The following STXBP5 variants were observed in gnomAD, a reference collection of about 807,000 sequenced individuals.
STXBP5 encodes syntaxin binding protein 5, also known as syntaxin-binding protein 5.
In STXBP5, 50 loss-of-function variants were observed where a neutral mutation model predicts 152.4. That is an observed-to-expected ratio of 0.33 (90% confidence interval 0.26 to 0.42). The LOEUF (loss-of-function observed/expected upper bound fraction) is 0.42. Among genes scored for constraint, STXBP5 ranks in the 10% least tolerant of loss-of-function variants. The pLI is 1.00. For synonymous variants in STXBP5, 492 were observed against 494.7 expected, an observed-to-expected ratio of 0.99 and a Z score of 0.07; for missense variants, 1,167 against 1,388.6, an observed-to-expected ratio of 0.84 and a Z score of 2.54.
Position 147,204,772 on chromosome 6 carries a change from GGAAGA to G in STXBP5, c.150+94_150+98del, listed in dbSNP as rs944518513. ...CTCGGGCTTTACATGGGAATGCAAG[GGAAGA>G]GAACGCCAATAATAATAATAATAAC... On this transcript the variant is annotated intron_variant, in intron 1 of 27. Transcript: ENST00000321680. The surrounding 1 kb of genome is among the most constrained non-coding windows in gnomAD (Gnocchi z 4.3). 1 of 1,275,820 alleles carries G rather than the reference GGAAGA, an allele frequency of 7.8e-7. No homozygotes were observed. The highest frequency in any genetic ancestry group is 1.6e-5 in the African/African-American group (1 of 64,320). The allele number at this position is 1,275,820 out of a possible 1,614,324, so 79.0% of individuals were successfully genotyped here.
At position 147,387,227 on chromosome 6, in the gene STXBP5, G is replaced by C. The variant is rs1344491392; in HGVS notation, c.*2472G>C. On this transcript the variant is annotated 3_prime_UTR_variant, in exon 28 of 28. Transcript: ENST00000321680. ...TAATAACTAACCCAGGGAATTTACTGTAATTTGAGAGGTAACATCTCTATT... is the reference window on the plus strand; with the variant it reads ...TAATAACTAACCCAGGGAATTTACTCTAATTTGAGAGGTAACATCTCTATT... 1 of 151,454 alleles carries C rather than the reference G, an allele frequency of 6.6e-6. No individual in the cohort carries two copies. Among genetic ancestry groups the C allele is most frequent in the Non-Finnish European group, 1.5e-5 (1 of 67,664 alleles). 9.4% of individuals were successfully genotyped at this position (151,454 alleles called of 1,614,324 possible).
chr6:147,362,189 A>G lies in STXBP5; in HGVS notation c.2546-1146A>G, dbSNP rs778399172. ...GCTGCAACCTTACTATTGATAAAAC[A>G]TAAATGCAGAGAGGAAAGGAAAGAA... On this transcript the variant is annotated intron_variant, in intron 23 of 27. Coordinates refer to ENST00000321680, the MANE Select transcript of STXBP5 (RefSeq NM_001127715.4). Among the ~76,000 whole-genome samples the G allele has an allele frequency of 7.2e-5, 11 of 152,322 alleles. No individual in the cohort carries two copies. The East Asian group carries it at 1.5e-3, about 21-fold the overall frequency.
intron 21 of STXBP5, among the ~76,000 whole-genome samples, chr6:147,346,600 C>A (rs1784343271): frequency 6.6e-6 from 1 of 151,996 alleles, no homozygotes; most frequent in Non-Finnish European, 1.5e-5. Flanking sequence ...ATTAGCCAGG[C>A]ATGGTGGCGG....
intron 2 of STXBP5, among the ~76,000 whole-genome samples, chr6:147,214,393 T>C (rs1695673667): frequency 6.6e-6 from 1 of 152,194 alleles, no homozygotes; most frequent in Non-Finnish European, 1.5e-5. Flanking sequence ...CTTTTTTCTT[T>C]TGGCCATGAG....
chr6:147,304,471 G>A (rs1379414376), intron 9 of STXBP5, among the ~76,000 whole-genome samples: 1 of 152,184 alleles, frequency 6.6e-6, no homozygotes, highest in Non-Finnish European at 1.5e-5. Context: ...AAAGCCTTGT[G>A]GAGAACCTCT....
chr6:147,206,516 G>A (rs1776570899), intron 2 of STXBP5, among the ~76,000 whole-genome samples: 1 of 151,932 alleles, frequency 6.6e-6, no homozygotes, highest in Non-Finnish European at 1.5e-5. Context: ...GTTGTTTTTG[G>A]CATGTCCGTG....
intron 2 of STXBP5, among the ~76,000 whole-genome samples, chr6:147,222,617 T>C (rs1777515655): frequency 6.6e-6 from 1 of 152,230 alleles, no homozygotes; most frequent in Non-Finnish European, 1.5e-5. Context: ...AGTTGGTCCC[T>C]GATAAAACCC....
chr6:147,376,038 G>C (rs571584077), intron 26 of STXBP5, among the ~76,000 whole-genome samples: 1 of 152,258 alleles, frequency 6.6e-6, no homozygotes, highest in South Asian at 2.1e-4. Flanking sequence ...AATAATCTTG[G>C]ATGGGATGTC....
At chr6:147,347,449 A>G (rs933267999) in intron 21 of STXBP5, among the ~76,000 whole-genome samples, 1 of 152,220 alleles carries the variant, frequency 6.6e-6, no homozygotes, top group African/African-American at 2.4e-5. Context: ...AGAGATGGAA[A>G]GCCATGGTAG....
intron 10 of STXBP5, 43 bp from the exon 11 acceptor site, chr6:147,311,412 C>A (rs1057502912): frequency 1.6e-5 from 24 of 1,532,574 alleles, no homozygotes; most frequent in Non-Finnish European, 2.2e-5. Context: ...TTGCTGTCCA[C>A]TTGCATTTTT....
chr6:147,242,134 T>C (rs893978739), intron 4 of STXBP5, among the ~76,000 whole-genome samples: 1 of 150,440 alleles, frequency 6.6e-6, no homozygotes, highest in Non-Finnish European at 1.5e-5. Context: ...TGATCCTGTG[T>C]AGGCCTAGGC....
At chr6:147,379,674 G>T (rs1785982489) in intron 26 of STXBP5, among the ~76,000 whole-genome samples, 1 of 152,058 alleles carries the variant, frequency 6.6e-6, no homozygotes, top group Non-Finnish European at 1.5e-5. Context: ...CAAGTAAAAG[G>T]CATGCAAATT....
intron 2 of STXBP5, among the ~76,000 whole-genome samples, chr6:147,234,584 T>C (rs1367269874): frequency 6.6e-6 from 1 of 151,958 alleles, no homozygotes; most frequent in Non-Finnish European, 1.5e-5. Context: ...TGAGTTGATA[T>C]AAATAACATT....
At chr6:147,328,317 A>G (rs1198287986) in intron 18 of STXBP5, among the ~76,000 whole-genome samples, 1 of 152,184 alleles carries the variant, frequency 6.6e-6, no homozygotes, top group African/African-American at 2.4e-5. Context: ...ATTGAGGGCA[A>G]CCTGTTTGAG....
chr6:147,244,099 A>G (rs76364924), intron 4 of STXBP5, among the ~76,000 whole-genome samples: 5,403 of 152,346 alleles, frequency 0.035, 146 homozygotes, highest in Admixed American at 0.054. Flanking sequence ...CAAGATAGCA[A>G]TCATTTACTT....
intron 2 of STXBP5, among the ~76,000 whole-genome samples, chr6:147,230,182 T>C (rs2115143076): frequency 6.6e-6 from 1 of 151,954 alleles, no homozygotes; most frequent in East Asian, 1.9e-4. Context: ...AAGATGATTG[T>C]TTATTTATTT....
intron 3 of STXBP5, among the ~76,000 whole-genome samples, chr6:147,236,995 C>T (rs957411127): frequency 1.3e-5 from 2 of 152,050 alleles, no homozygotes; most frequent in South Asian, 2.1e-4. Context: ...CCAGGCTGGT[C>T]TCTAACTCCT....
At chr6:147,213,726 A>G (rs1406032583) in intron 2 of STXBP5, among the ~76,000 whole-genome samples, 4 of 152,092 alleles carry the variant, frequency 2.6e-5, no homozygotes, top group Admixed American at 1.3e-4. Context: ...CTGATTTGCT[A>G]TATTAGCATC....
chr6:147,359,343 T>G lies in STXBP5; in HGVS notation c.2545+20T>G. ...CAAGTGGTATGTATTGCTGCTGCAC[T>G]TAGAGTTACATTACAGGTGTGATTT... On this transcript the variant is annotated intron_variant, in intron 23 of 27. Transcript: ENST00000321680. The G allele has an allele frequency of 6.2e-7, 1 of 1,602,878 alleles. No homozygotes were observed. The highest frequency in any genetic ancestry group is 8.5e-7 in the Non-Finnish European group (1 of 1,171,708).
Sources: allele counts gnomAD v4.1 joint callset (sites outside exome capture counted in the v4.1 genomes callset), GRCh38; gene constraint gnomAD v4.1.1; non-coding constraint Gnocchi (gnomAD v3.1); transcripts MANE v1.5; gene names NCBI Gene and HGNC (gene_info 2026-07-23, HGNC 2026-07-21).